The following RGS3 variants were observed in gnomAD, a reference collection of about 807,000 sequenced individuals.
RGS3 encodes the protein regulator of G protein signaling 3.
In RGS3, 80 loss-of-function variants were observed where a neutral mutation model predicts 132.6. The observed-to-expected ratio is 0.60, with a 90% CI of 0.50 to 0.73. RGS3 has a LOEUF of 0.73. Ranked by LOEUF, RGS3 falls within the 30% of genes least tolerant of loss-of-function variation. RGS3 has a pLI of 0.00. For synonymous variants in RGS3, 598 were observed against 620.6 expected (o/e 0.96, Z 0.54); for missense variants, 1,382 against 1,530.8 (o/e 0.90, Z 1.62).
intron 5 of RGS3, 121 bp from the exon 4 acceptor site, chr9:113,484,017 T>A (rs1830244651): frequency 1.6e-6 from 1 of 631,238 alleles, no homozygotes; most frequent in African/African-American, 1.8e-5. Context: ...TATTCTGTCC[T>A]CTGCAGAGGC....
chr9:113,507,502 T>A lies in RGS3; in HGVS notation c.1301T>A (p.Leu434Gln). The stretch of plus-strand genomic sequence containing the variant: ...CTGGTATGTGACAGCTCTGATGGGC[T>A]GCTGCTCGGCGGCTGGGAGCGCTAC... The change falls in exon 13 of 25, where the codon CTG (leucine) becomes CAG (glutamine). Residue 434 changes from leucine (L) to glutamine (Q), a missense_variant. By Grantham distance (113) the Leu-to-Gln change is moderately radical (BLOSUM62 -2). Transcript: ENST00000350696. The surrounding 1 kb of genome is among the most constrained non-coding windows in gnomAD (Gnocchi z 5.0). The A allele has an allele frequency of 6.2e-7, 1 of 1,611,252 alleles. No homozygotes were observed. Among genetic ancestry groups the A allele is most frequent in the South Asian group, 1.1e-5 (1 of 90,786 alleles).
intron 18 of RGS3, among the ~76,000 whole-genome samples, chr9:113,534,762 C>G (rs1832612237): frequency 6.6e-6 from 1 of 152,014 alleles, no homozygotes. Context: ...CAAGCGCACA[C>G]CACCACACCC....
intron 1 of RGS3, among the ~76,000 whole-genome samples, chr9:113,445,388 G>A (rs1829079259): frequency 6.6e-6 from 1 of 151,836 alleles, no homozygotes; most frequent in Non-Finnish European, 1.5e-5. Flanking sequence ...TAGTAGAGAC[G>A]GGGTTTCTCC....
chr9:113,513,334 G>T (rs1831490952), intron 14 of RGS3, among the ~76,000 whole-genome samples: 1 of 152,194 alleles, frequency 6.6e-6, no homozygotes, highest in Non-Finnish European at 1.5e-5. Context: ...TGTCCTTCCT[G>T]GGGGTGGTCT....
intron 2 of RGS3, chr9:113,461,892 T>TTCCC: frequency 8.6e-7 from 1 of 1,163,132 alleles, no homozygotes; most frequent in Non-Finnish European, 1.2e-6. Flanking sequence ...TCACCTTCCC[T>TTCCC]TTTCCCTGTG....
chr9:113,565,095 C>A lies in RGS3; in HGVS notation c.2038-18355C>A. 8.6e-7 allele frequency: 1 copy of A among 1,162,604 alleles called. No individual in the cohort carries two copies. Among genetic ancestry groups the A allele is most frequent in the Non-Finnish European group, 1.1e-6 (1 of 928,492 alleles). 72.0% of individuals were successfully genotyped at this position (1,162,604 alleles called of 1,614,324 possible). The stretch of plus-strand genomic sequence containing the variant: ...GCCGTTGTGAGGGATGGACGCCTCT[C>A]CCCCGGAGCAGCACTTTGGGGCCAG... On this transcript the variant is annotated intron_variant, in intron 19 of 24. Coordinates refer to ENST00000350696, the Ensembl canonical transcript of RGS3. The surrounding 1 kb of genome is among the most constrained non-coding windows in gnomAD (Gnocchi z 5.7).
intron 7 of RGS3, among the ~76,000 whole-genome samples, chr9:113,488,713 A>T (rs547821080): frequency 6.6e-6 from 1 of 152,256 alleles, no homozygotes; most frequent in Non-Finnish European, 1.5e-5. Context: ...TAAACAAACT[A>T]CAGCCAAACT....
chr9:113,572,071 C>T (rs965444324), intron 19 of RGS3, among the ~76,000 whole-genome samples: 2 of 152,034 alleles, frequency 1.3e-5, no homozygotes, highest in Non-Finnish European at 2.9e-5. Flanking sequence ...GTGCTCTAGG[C>T]AGGACGTACA....
At chr9:113,495,955 C>A in intron 8 of RGS3, 109 bp downstream of exon 6, 3 of 963,230 alleles carry the variant, frequency 3.1e-6, no homozygotes, top group Non-Finnish European at 5.1e-6. Context: ...TGAGATGGTG[C>A]CCCACTGAGA....
chr9:113,549,706 C>T (rs1402315542), intron 19 of RGS3, among the ~76,000 whole-genome samples: 2 of 152,158 alleles, frequency 1.3e-5, no homozygotes, highest in Non-Finnish European at 2.9e-5. Context: ...TGCTTTTTCT[C>T]CCCCATTTAA....
At chr9:113,484,430 G>T (rs534948059) in intron 6 of RGS3, among the ~76,000 whole-genome samples, 198 bp downstream of exon 4, 34 of 151,782 alleles carry the variant, frequency 2.2e-4, no homozygotes, top group African/African-American at 7.5e-4. Context: ...CTGGCACCAG[G>T]CCCAGCAGCG....
intron 17 of RGS3, among the ~76,000 whole-genome samples, chr9:113,523,751 T>C (rs1376091962): frequency 6.6e-6 from 1 of 152,116 alleles, no homozygotes; most frequent in African/African-American, 2.4e-5. Context: ...CTCTCCCAGA[T>C]CATGAAAACA....
upstream of RGS3, among the ~76,000 whole-genome samples, chr9:113,455,594 A>C (rs1829347368): frequency 6.6e-6 from 1 of 152,132 alleles, no homozygotes; most frequent in African/African-American, 2.4e-5. Context: ...CTCCGCTTAC[A>C]CTTGAAATCT....
intron 15 of RGS3, 82 bp downstream of exon 13, chr9:113,514,736 T>A: frequency 1.4e-6 from 2 of 1,386,974 alleles, no homozygotes; most frequent in Non-Finnish European, 2.0e-6. Flanking sequence ...TCAGGGATGA[T>A]GACTTATCCC....
chr9:113,486,618 A>T (rs1426814563), intron 7 of RGS3, among the ~76,000 whole-genome samples: 1 of 152,180 alleles, frequency 6.6e-6, no homozygotes, highest in East Asian at 1.9e-4. Context: ...AGCCTAAGGA[A>T]TCTGGGATAC....
intron 19 of RGS3, among the ~76,000 whole-genome samples, chr9:113,548,497 C>T (rs1833204489): frequency 1.3e-5 from 2 of 152,160 alleles, no homozygotes; most frequent in Admixed American, 1.3e-4. Context: ...GGAGACACTC[C>T]CTGTGGTCTG....
intron 19 of RGS3, chr9:113,580,587 C>A (rs536899954): frequency 6.2e-6 from 1 of 162,314 alleles, no homozygotes; most frequent in South Asian, 2.0e-4. Flanking sequence ...CCATTGGGAT[C>A]AAAATCAGCC....
intron 1 of RGS3, among the ~76,000 whole-genome samples, chr9:113,461,216 G>A (rs909178312): frequency 1.3e-5 from 2 of 152,102 alleles, no homozygotes; most frequent in African/African-American, 2.4e-5. Flanking sequence ...ATGTATGTGT[G>A]GAGTGTGTGT....
intron 19 of RGS3, among the ~76,000 whole-genome samples, chr9:113,575,181 C>T (rs1025179501): frequency 1.3e-5 from 2 of 152,208 alleles, no homozygotes; most frequent in Admixed American, 6.5e-5. Flanking sequence ...AGGCTGCAAG[C>T]GGCATGTCCT....
Sources: gnomAD v4.1 joint callset for allele counts (sites outside exome capture counted in the v4.1 genomes callset) on GRCh38, gnomAD v4.1.1 for gene constraint, Gnocchi (gnomAD v3.1) non-coding constraint, MANE v1.5 for transcripts, NCBI Gene and HGNC (gene_info 2026-07-23, HGNC 2026-07-21) for gene names.